TTC22: variants seen among roughly 807,000 people sequenced by gnomAD.
TTC22 encodes tetratricopeptide repeat domain 22.
A neutral mutation model predicts 48.2 loss-of-function variants in TTC22; 42 were observed. The observed-to-expected ratio is 0.87, with a 90% confidence interval of 0.68 to 1.13. The LOEUF is 1.13. Among genes scored for constraint, TTC22 ranks in the 50% most tolerant of loss-of-function variants. The probability of loss-of-function intolerance (pLI) is 0.00; values close to 1 mark genes in which losing one functional copy is unlikely to be tolerated. For missense variants in TTC22, 784 were observed against 807.0 expected (o/e 0.97, Z 0.34); for synonymous variants, 345 against 365.5 (o/e 0.94, Z 0.64).
rs755484831 is a variant in TTC22 at position 54,787,792 on chromosome 1, C to T, written c.658G>A (p.Glu220Lys). ...DGIFLELGSE[E>K]QKRLPAFNRT... ...TTGAAGGCAGGCAGTCTCTTCTGCT[C>T]CTCACTGCCCAGCTCCAGGAAGATG... Residue 220 changes from glutamate to lysine, a missense_variant, in exon 3 of 7, where the codon GAG becomes AAG. Physicochemically the swap from Glu to Lys is moderately conservative, Grantham distance 56. Coordinates refer to ENST00000371276, the MANE Select transcript of TTC22 (RefSeq NM_001114108.2). The T allele has an allele frequency of 2.8e-5, 45 of 1,612,498 alleles. No individual in the cohort carries two copies. Among genetic ancestry groups the T allele is most frequent in the Non-Finnish European group, 3.2e-5 (38 of 1,179,420 alleles).
intron 1 of TTC22, among the ~76,000 whole-genome samples, chr1:54,788,515 T>C (rs1399236205): frequency 2.6e-5 from 4 of 152,224 alleles, no homozygotes; most frequent in Non-Finnish European, 5.9e-5. Flanking sequence ...CCAGCTCAGC[T>C]GAAGCCCAAG....
chr1:54,800,458 A>G, intron 1 of TTC22, 139 bp downstream of exon 1: 1 of 758,314 alleles, frequency 1.3e-6, no homozygotes, highest in Non-Finnish European at 2.0e-6. Flanking sequence ...CGGGGGATGC[A>G]CATTGGAAAG....
intron 4 of TTC22, 124 bp downstream of exon 4, chr1:54,786,833 T>C: frequency 2.1e-6 from 1 of 481,942 alleles, no homozygotes; most frequent in East Asian, 3.3e-5. Flanking sequence ...CTGGAGTAAG[T>C]GTACTTCCTG....
chr1:54,800,764 C>A lies in TTC22; in HGVS notation c.400G>T (p.Glu134Ter). Residue 134 changes from glutamate (E) to a stop codon, truncating the protein, a stop_gained, in exon 1 of 7, where the codon GAG becomes TAG. Transcript: ENST00000371276. LOFTEE classifies it high-confidence loss of function. ...GGGTCCCCGGCGGCCTCGGGCTCCT[C>A]TGCCAGGCCCATGAGGTCGGCCAGC... ...ARLADLMGLA[E>*]EPEAAGDPQL... 1 of 1,552,680 alleles carries A rather than the reference C, an allele frequency of 6.4e-7. No individual in the cohort carries two copies. The highest frequency in any genetic ancestry group is 1.2e-5 in the South Asian group (1 of 84,748).
rs778510629 is a variant in TTC22, at chr1:54,788,036, C to G, written c.623+6G>C. 6.8e-6 allele frequency: 11 copies of G among 1,613,678 alleles called. No homozygotes were observed. The highest frequency in any genetic ancestry group is 9.3e-6 in the Non-Finnish European group (11 of 1,179,772). ...ATCCCGTACCCCCACCACCCTCTTG[C>G]CTGACCTGATGTAGAGTGTTGCCAT... On this transcript the variant is annotated splice_donor_region_variant and intron_variant, in intron 2 of 6. Coordinates refer to ENST00000371276, the MANE Select transcript of TTC22 (RefSeq NM_001114108.2).
chr1:54,782,443 C>A lies in TTC22; in HGVS notation c.1055G>T (p.Arg352Leu). 1 of 1,550,894 alleles carries A rather than the reference C, an allele frequency of 6.4e-7. No individual in the cohort carries two copies. Among genetic ancestry groups the A allele is most frequent in the Non-Finnish European group, 8.7e-7 (1 of 1,146,582 alleles). ...CATGCCCCCGAGACCCATCTTGGCC[C>A]GCTTGAGGTCATGCAGGTAGGCTCT... is the stretch of plus-strand genomic sequence containing the variant. ...HIRAYLHDLK[R>L]AKMGLGGMPD... Residue 352 changes from arginine to leucine, a missense_variant, in exon 6 of 7, where the codon CGG (arginine) becomes CTG (leucine). By Grantham distance (102) the Arg-to-Leu change is moderately radical (BLOSUM62 -2). Transcript: ENST00000371276.
chr1:54,790,292 A>G (rs528401369), intron 1 of TTC22, among the ~76,000 whole-genome samples: 8 of 152,222 alleles, frequency 5.3e-5, no homozygotes, highest in Non-Finnish European at 1.2e-4. Flanking sequence ...AGATGGGAGA[A>G]TTGATTGAGC....
At chr1:54,786,398 A>G in intron 4 of TTC22, 1 of 419,348 alleles carries the variant, frequency 2.4e-6, no homozygotes, top group South Asian at 2.8e-5. Flanking sequence ...CATCCAGTAA[A>G]GCCTTCCAGA....
chr1:54,786,592 C>T (rs1251876249), intron 4 of TTC22: 1 of 258,862 alleles, frequency 3.9e-6, no homozygotes, highest in Non-Finnish European at 7.3e-6. Flanking sequence ...GCCTTAGGGT[C>T]ACACAGCCTA....
At chr1:54,787,403 C>T (rs992259651) in intron 3 of TTC22, 24 of 560,136 alleles carry the variant, frequency 4.3e-5, no homozygotes, top group Middle Eastern at 4.7e-4. Flanking sequence ...AAAAATGACT[C>T]GACTCCTCTC....
At chr1:54,784,936 G>A (rs1646288919) in intron 5 of TTC22, 11 of 378,584 alleles carry the variant, frequency 2.9e-5, no homozygotes, top group Non-Finnish European at 4.1e-5. Flanking sequence ...ACTATGCAGT[G>A]GACTGCATCA....
At chr1:54,791,095 A>G (rs1646348623) in intron 1 of TTC22, among the ~76,000 whole-genome samples, 1 of 152,120 alleles carries the variant, frequency 6.6e-6, no homozygotes. Context: ...CCTGACCTCA[A>G]CTGATCTGCC....
At position 54,800,856 on chromosome 1, in the gene TTC22, C is replaced by T. The variant is rs527934267; in HGVS notation, c.308G>A (p.Trp103Ter). 2.5e-6 allele frequency: 4 copies of T among 1,609,858 alleles called. No homozygotes were observed. Among genetic ancestry groups the T allele is most frequent in the South Asian group, 2.2e-5 (2 of 90,566 alleles). The change falls in exon 1 of 7, where the codon TGG becomes TAG. Residue 103 changes from tryptophan to a stop codon, truncating the protein, a stop_gained. Transcript: ENST00000371276. LOFTEE classifies it high-confidence loss of function. ...CCCGTACACGTGTGCCAGATTGGCC[C>T]AGGCATTGAGGTTGCCCGGGTGCTC... ...AHEHPGNLNA[W>*]ANLAHVYGRL... is the part of the protein sequence containing the mutation.
chr1:54,781,214 A>G lies in TTC22; in HGVS notation c.*29T>C. On this transcript the variant is annotated 3_prime_UTR_variant, in exon 7 of 7. Coordinates refer to ENST00000371276, the MANE Select transcript of TTC22 (RefSeq NM_001114108.2). Reference sequence around the variant, plus strand: ...CTGGGCGGGGCCTGGGCGGGGTCCCAGGGAGCCTCCGGCCTGGGCACCTGA... The same window carrying G: ...CTGGGCGGGGCCTGGGCGGGGTCCCGGGGAGCCTCCGGCCTGGGCACCTGA... 1.4e-6 allele frequency: 2 copies of G among 1,398,728 alleles called. No individual in the cohort carries two copies. Among genetic ancestry groups the G allele is most frequent in the Non-Finnish European group, 9.2e-7 (1 of 1,084,036 alleles). The allele number at this position is 1,398,728 out of a possible 1,614,324, so 86.6% of individuals were successfully genotyped here.
chr1:54,798,765 A>G (rs922741681), intron 1 of TTC22, among the ~76,000 whole-genome samples: 7 of 152,360 alleles, frequency 4.6e-5, no homozygotes, highest in African/African-American at 1.7e-4. Context: ...TGCCTCTCAG[A>G]CATGCCCAGA....
intron 1 of TTC22, among the ~76,000 whole-genome samples, chr1:54,795,797 T>G (rs1020592342): frequency 6.6e-6 from 1 of 152,174 alleles, no homozygotes; most frequent in Non-Finnish European, 1.5e-5. Context: ...ACTTCCCAGC[T>G]AAGTGGGGAG....
intron 1 of TTC22, among the ~76,000 whole-genome samples, chr1:54,792,592 C>A (rs181081842): frequency 6.6e-6 from 1 of 152,184 alleles, no homozygotes; most frequent in South Asian, 2.1e-4. Flanking sequence ...TGCCACCACA[C>A]GCAGCTAATT....
chr1:54,787,134 G>C, intron 3 of TTC22, 59 bp from the exon 4 acceptor site: 2 of 895,864 alleles, frequency 2.2e-6, no homozygotes, highest in South Asian at 3.8e-5. Flanking sequence ...AGAGGGAAGG[G>C]GCCATCCCCA....
Position 54,783,596 on chromosome 1 carries a change from GT to G in TTC22, c.1021-1120del, listed in dbSNP as rs572301890. On this transcript the variant is annotated intron_variant, in intron 5 of 6. Coordinates refer to ENST00000371276, the MANE Select transcript of TTC22 (RefSeq NM_001114108.2). ...ATCCCTGCCATTAAGTAGCTTATAT[GT>G]TTTGGGGGAGAGAGAAAATAAACAT... 8.5e-5 allele frequency among the ~76,000 whole-genome samples: 13 copies of G among 152,314 alleles called. No individual in the cohort carries two copies. In the South Asian group the frequency reaches 2.3e-3, roughly 27 times the overall value.
Sources: gnomAD v4.1 joint callset for allele counts (sites outside exome capture counted in the v4.1 genomes callset) on GRCh38, gnomAD v4.1.1 for gene constraint, MANE v1.5 for transcripts, NCBI Gene and HGNC (gene_info 2026-07-23, HGNC 2026-07-21) for gene names.